The following MID2 variants were observed in gnomAD, a reference collection of about 807,000 sequenced individuals.
The protein encoded by MID2 is probable E3 ubiquitin-protein ligase MID2.
Under a neutral mutation model 46.1 loss-of-function variants are expected in MID2, and 13 were observed. That is an observed-to-expected ratio of 0.28 (90% confidence interval 0.18 to 0.45). The LOEUF (loss-of-function observed/expected upper bound fraction) is 0.45. Ranked by LOEUF, MID2 falls within the 20% of genes least tolerant of loss-of-function variation. The probability of loss-of-function intolerance (pLI) is 1.00; values close to 1 mark genes in which losing one functional copy is unlikely to be tolerated. For synonymous variants in MID2, 199 were observed against 212.3 expected (o/e 0.94, Z 0.55); for missense variants, 431 against 575.4 (o/e 0.75, Z 2.57).
At chrX:107,853,843 C>T (rs908202993) in intron 2 of MID2, among the ~76,000 whole-genome samples, 1 of 111,745 alleles carries the variant, frequency 8.9e-6, no homozygotes, top group African/African-American at 3.3e-5. Flanking sequence ...TACATGGGTT[C>T]CAGTCCTAGT....
rs1292656511 is a variant in MID2, at chrX:107,826,260, T to TAGCGGC, written c.-160_-155dup. 11 of 461,551 alleles carry TAGCGGC rather than the reference T, an allele frequency of 2.4e-5. No individual in the cohort carries two copies. Among genetic ancestry groups the TAGCGGC allele is most frequent in the Non-Finnish European group, 3.3e-5 (11 of 329,911 alleles). The allele number at this position is 461,551 out of a possible 1,213,427, so 38.0% of individuals were successfully genotyped here. On this transcript the variant is annotated 5_prime_UTR_variant, in exon 1 of 10. Transcript: ENST00000262843. ...GGCTGCTGCGCGGCGTCGGCGACGGTAGCGGCAGCGGCGGCGAAGGCGGGC... is the reference window on the plus strand; with the variant it reads ...GGCTGCTGCGCGGCGTCGGCGACGGTAGCGGCAGCGGCAGCGGCGGCGAAGGCGGGC...
intron 1 of MID2, among the ~76,000 whole-genome samples, chrX:107,832,518 C>T (rs1931110211): frequency 9.0e-6 from 1 of 111,225 alleles, no homozygotes; most frequent in African/African-American, 3.3e-5. Context: ...ATTTTATCCT[C>T]GTCTGATCCT....
chrX:107,834,824 C>T (rs777097642), intron 1 of MID2, among the ~76,000 whole-genome samples: 1 of 111,736 alleles, frequency 8.9e-6, no homozygotes, highest in South Asian at 3.7e-4. Context: ...GCTGTTTACA[C>T]CCTGGAGTCA....
In MID2 at chrX:107,926,837, C is replaced by T; in HGVS notation, c.1972C>T (p.Leu658=). The T allele has an allele frequency of 8.3e-7, 1 of 1,211,420 alleles. No individual in the cohort carries two copies. Among genetic ancestry groups the T allele is most frequent in the Non-Finnish European group, 1.1e-6 (1 of 895,200 alleles). The change falls in exon 10 of 10, where the codon CTG becomes TTG. Residue 658 remains leucine (L), a synonymous_variant. Coordinates refer to ENST00000262843, the MANE Select transcript of MID2 (RefSeq NM_012216.4). The stretch of plus-strand genomic sequence containing the variant: ...ACACCTGAAGCGTCTGGGTGTCCTC[C>T]TGGATTATGACAACAATATGCTGTC... The part of the protein sequence containing the change: ...PPHLKRLGVL[L]DYDNNMLSFY...
At chrX:107,826,930 A>C (rs975609175) in intron 1 of MID2, among the ~76,000 whole-genome samples, 1 of 113,042 alleles carries the variant, frequency 8.8e-6, no homozygotes, top group Non-Finnish European at 1.9e-5. Context: ...GCCCGGTGAA[A>C]CTTAATCCCT....
intron 1 of MID2, among the ~76,000 whole-genome samples, chrX:107,829,393 C>A (rs767728028): frequency 3.6e-5 from 4 of 112,183 alleles, no homozygotes; most frequent in Non-Finnish European, 7.5e-5. Flanking sequence ...TAATAATGAT[C>A]AATTTAAGTT....
chrX:107,908,686 A>G (rs1263889402), intron 5 of MID2, among the ~76,000 whole-genome samples: 6 of 95,490 alleles, frequency 6.3e-5, no homozygotes, highest in Non-Finnish European at 1.2e-4. Flanking sequence ...CAACATAGCG[A>G]GATTCCATCT....
intron 1 of MID2, among the ~76,000 whole-genome samples, chrX:107,835,303 C>G (rs943065427): frequency 8.9e-6 from 1 of 112,260 alleles, no homozygotes; most frequent in Non-Finnish European, 1.9e-5. Flanking sequence ...ACTATGAAGA[C>G]TGCTGCTATG....
At chrX:107,908,129 C>T (rs955356252) in intron 5 of MID2, among the ~76,000 whole-genome samples, 17 of 112,459 alleles carry the variant, frequency 1.5e-4, no homozygotes, top group African/African-American at 5.5e-4. Flanking sequence ...CAAGCAATTT[C>T]AGCTCTATCA....
chrX:107,915,054 G>A (rs1276145466), intron 5 of MID2, among the ~76,000 whole-genome samples: 1 of 112,022 alleles, frequency 8.9e-6, no homozygotes, highest in Non-Finnish European at 1.9e-5. Context: ...CCCAATAAAT[G>A]TTAGCAGTTA....
chrX:107,915,186 C>T (rs1932948459), intron 5 of MID2, among the ~76,000 whole-genome samples: 1 of 112,047 alleles, frequency 8.9e-6, no homozygotes. Flanking sequence ...CTTGAGACTC[C>T]TAGATTTAGT....
At chrX:107,905,440 G>A (rs376832227) in intron 4 of MID2, 38 bp from the exon 5 acceptor site, 4 of 1,124,637 alleles carry the variant, frequency 3.6e-6, no homozygotes, top group Non-Finnish European at 1.2e-6. Context: ...AGCACTGCAT[G>A]TTTTATCTTA....
At chrX:107,860,927 A>T (rs898699190) in intron 3 of MID2, among the ~76,000 whole-genome samples, 1 of 112,077 alleles carries the variant, frequency 8.9e-6, no homozygotes, top group Non-Finnish European at 1.9e-5. Flanking sequence ...GGATTTGAAT[A>T]CAGGCACTTT....
chrX:107,893,448 A>G (rs1261291283), intron 3 of MID2, among the ~76,000 whole-genome samples: 1 of 112,755 alleles, frequency 8.9e-6, no homozygotes, highest in Non-Finnish European at 1.9e-5. Flanking sequence ...ATTATTACTT[A>G]AAGAAATCGG....
intron 3 of MID2, among the ~76,000 whole-genome samples, chrX:107,856,746 C>A (rs979042605): frequency 1.8e-5 from 2 of 112,501 alleles, no homozygotes; most frequent in Non-Finnish European, 3.8e-5. Context: ...AGTGTTTTAA[C>A]AGTTCCGTCC....
intron 2 of MID2, among the ~76,000 whole-genome samples, chrX:107,850,478 A>G (rs1569463252): frequency 8.9e-6 from 1 of 112,253 alleles, no homozygotes; most frequent in African/African-American, 3.2e-5. Flanking sequence ...GAGTAAGTAA[A>G]TGTTCGGTGT....
intron 7 of MID2, 45 bp downstream of exon 7, chrX:107,917,784 A>G: frequency 1.8e-6 from 2 of 1,122,530 alleles, no homozygotes; most frequent in African/African-American, 1.8e-5. Context: ...ATAGTGTTTC[A>G]TAGACAGTGT....
intron 3 of MID2, among the ~76,000 whole-genome samples, chrX:107,868,668 G>A (rs1007749805): frequency 1.8e-5 from 2 of 111,324 alleles, no homozygotes; most frequent in Admixed American, 9.6e-5. Flanking sequence ...CATTTACTAC[G>A]ATTTTACTAT....
At chrX:107,832,192 G>A (rs1010599799) in intron 1 of MID2, among the ~76,000 whole-genome samples, 1 of 111,883 alleles carries the variant, frequency 8.9e-6, no homozygotes, top group Non-Finnish European at 1.9e-5. Context: ...TCTGCCAGTC[G>A]GTAATCAGCC....
Sources: gnomAD v4.1 joint callset for allele counts (sites outside exome capture counted in the v4.1 genomes callset) on GRCh38, gnomAD v4.1.1 for gene constraint, MANE v1.5 for transcripts, NCBI Gene and HGNC (gene_info 2026-07-23, HGNC 2026-07-21) for gene names.